The following ABCB1 variants were observed in gnomAD, a reference collection of about 807,000 sequenced individuals.
ABCB1 encodes ATP-dependent translocase ABCB1.
In ABCB1, 69 loss-of-function variants were observed where a neutral mutation model predicts 142.0. The ratio of observed to expected loss-of-function variants is 0.49; its 90% CI spans 0.40 to 0.59. The LOEUF (loss-of-function observed/expected upper bound fraction) is 0.59, where lower values mean the gene tolerates loss of function less well. Ranked by LOEUF, ABCB1 falls within the 20% of genes least tolerant of loss-of-function variation. ABCB1 has a pLI of 0.00. For synonymous variants in ABCB1, 532 were observed against 539.2 expected (o/e 0.99, Z 0.18); for missense variants, 1,326 against 1,554.7 (o/e 0.85, Z 2.47).
Position 87,516,536 on chromosome 7 carries a change from G to T in ABCB1, c.3057C>A (p.Asp1019Glu), listed in dbSNP as rs1327938429. The change falls in exon 24 of 28, where the codon GAC becomes GAA. Residue 1019 changes from aspartate to glutamate, a missense_variant. Asp to Glu is a conservative substitution (Grantham distance 45, BLOSUM62 2). Coordinates refer to ENST00000622132, the MANE Select transcript of ABCB1 (RefSeq NM_001348946.2). The stretch of plus-strand genomic sequence containing the variant: ...GCATTAGGCCTTCCGTGCTGTAGCT[G>T]TCAATCAAAGGGGTTTTTTCAATGA... ...IMIIEKTPLI[D>E]SYSTEGLMPN... is the part of the protein sequence containing the mutation. The T allele has an allele frequency of 1.9e-6, 3 of 1,614,068 alleles. No homozygotes were observed. Among genetic ancestry groups the T allele is most frequent in the Non-Finnish European group, 2.5e-6 (3 of 1,180,050 alleles).
chr7:87,559,472 A>C lies in ABCB1; in HGVS notation c.827+1791T>G, dbSNP rs1452284886. ...GATTAAACATATAAAATAGTTATTTATAAGTCTTTTTAAAGAATTAGTTTA... is the reference window on the plus strand; with the variant it reads ...GATTAAACATATAAAATAGTTATTTCTAAGTCTTTTTAAAGAATTAGTTTA... On this transcript the variant is annotated intron_variant, in intron 8 of 27. Coordinates refer to ENST00000622132, the MANE Select transcript of ABCB1 (RefSeq NM_001348946.2). Among the ~76,000 whole-genome samples the C allele has an allele frequency of 2.6e-5, 4 of 152,036 alleles. No homozygotes were observed. In the East Asian group the frequency reaches 7.7e-4, roughly 29 times the overall value.
rs913602139 is a variant in ABCB1 at position 87,561,811 on chromosome 7, C to T, written c.703-424G>A. 3.3e-5 allele frequency among the ~76,000 whole-genome samples: 5 copies of T among 152,230 alleles called. No individual in the cohort carries two copies. The Middle Eastern group carries it at 0.014, about 414-fold the overall frequency. On this transcript the variant is annotated intron_variant, in intron 7 of 27. Transcript: ENST00000622132. The stretch of plus-strand genomic sequence containing the variant: ...GACCAGCCTGGGCAGCATGGCAAGA[C>T]CCCGCCTCTACAAAAAAATTAAAAA...
chr7:87,666,845 A>G (rs1197509544), intron 1 of ABCB1, among the ~76,000 whole-genome samples: 1 of 152,018 alleles, frequency 6.6e-6, no homozygotes, highest in Non-Finnish European at 1.5e-5. Flanking sequence ...CCATTGGTCT[A>G]TGTGCCTGTT....
chr7:87,585,688 G>A lies in ABCB1; in HGVS notation c.118-8C>T, dbSNP rs34455904. On this transcript the variant is annotated splice_region_variant and splice_polypyrimidine_tract_variant and intron_variant, in intron 3 of 27. Transcript: ENST00000622132. Reference sequence around the variant, plus strand: ...CCAATTTGAATAGCGAAACTAAAAAGAGAGAAAAAAGAATAGCAGAGGAAA... The same window carrying A: ...CCAATTTGAATAGCGAAACTAAAAAAAGAGAAAAAAGAATAGCAGAGGAAA... 6.2e-7 allele frequency: 1 copy of A among 1,612,894 alleles called. No individual in the cohort carries two copies. The highest frequency in any genetic ancestry group is 1.1e-5 in the South Asian group (1 of 91,036).
intron 1 of ABCB1, among the ~76,000 whole-genome samples, chr7:87,649,904 G>T (rs990692599): frequency 2.6e-5 from 4 of 152,166 alleles, no homozygotes; most frequent in African/African-American, 9.7e-5. Context: ...GTGCTGCCAT[G>T]TAAGACAACC....
In ABCB1 at chr7:87,697,471, T is replaced by A. The variant is rs921647790; in HGVS notation, c.-331+15690A>T. ...GAAAATGAGTTGAAGTTAGAAACATTTGAGGAAGTAACTTTAGAATGGTTG... is the reference window on the plus strand; with the variant it reads ...GAAAATGAGTTGAAGTTAGAAACATATGAGGAAGTAACTTTAGAATGGTTG... On this transcript the variant is annotated intron_variant, in intron 1 of 28. Transcript: ENST00000265724. Among the ~76,000 whole-genome samples the A allele has an allele frequency of 2.0e-5, 3 of 152,268 alleles. No individual in the cohort carries two copies. In the South Asian group the frequency reaches 6.2e-4, roughly 32 times the overall value.
chr7:87,709,064 A>G (rs981457483), intron 1 of ABCB1, among the ~76,000 whole-genome samples: 1 of 152,180 alleles, frequency 6.6e-6, no homozygotes, highest in African/African-American at 2.4e-5. Context: ...TGTTCTATTA[A>G]AAGTTCCTTT....
intron 4 of ABCB1, among the ~76,000 whole-genome samples, chr7:87,573,730 G>T (rs1818152087): frequency 6.6e-6 from 1 of 152,120 alleles, no homozygotes; most frequent in Non-Finnish European, 1.5e-5. Context: ...AAGAAAATAT[G>T]TTTAAAGTAC....
intron 7 of ABCB1, chr7:87,565,355 A>G (rs1817744298): frequency 5.3e-6 from 2 of 377,082 alleles, no homozygotes; most frequent in Admixed American, 3.3e-5. Context: ...CACTCATATC[A>G]AATCAGTTTA....
At chr7:87,708,472 T>C (rs1829797750) in intron 1 of ABCB1, among the ~76,000 whole-genome samples, 3 of 152,176 alleles carry the variant, frequency 2.0e-5, no homozygotes, top group African/African-American at 2.4e-5. Context: ...GGATATGTGA[T>C]ATTTTTGCTA....
In ABCB1 at chr7:87,550,216, T is replaced by C. The variant is rs1584871479; in HGVS notation, c.1305A>G (p.Thr435=). The C allele has an allele frequency of 6.2e-7, 1 of 1,614,092 alleles. No individual in the cohort carries two copies. The highest frequency in any genetic ancestry group is 1.1e-5 in the South Asian group (1 of 91,084). Residue 435 remains threonine, a synonymous_variant, in exon 12 of 28, where the codon ACA becomes ACG. Transcript: ENST00000622132. Reference sequence around the variant, plus strand: ...AGAGCCTCTGCATCAGCTGGACTGTTGTGCTCTTCCCACAGCCACTGTTTC... The same window carrying C: ...AGAGCCTCTGCATCAGCTGGACTGTCGTGCTCTTCCCACAGCCACTGTTTC... The part of the protein sequence containing the change: ...LVGNSGCGKS[T]TVQLMQRLYD...
At chr7:87,692,776 T>C (rs181667893) in intron 1 of ABCB1, among the ~76,000 whole-genome samples, 1 of 152,366 alleles carries the variant, frequency 6.6e-6, no homozygotes, top group East Asian at 1.9e-4. Context: ...CATTCAATGT[T>C]GAGAAATTTC....
intron 4 of ABCB1, among the ~76,000 whole-genome samples, chr7:87,570,469 G>A (rs1245344860): frequency 6.6e-6 from 1 of 152,138 alleles, no homozygotes; most frequent in East Asian, 1.9e-4. Flanking sequence ...TTTGGTAAGA[G>A]GTAGTCTGTC....
At chr7:87,660,178 GGTCTATT>G (rs1429373471) in intron 1 of ABCB1, among the ~76,000 whole-genome samples, 129 of 152,042 alleles carry the variant, frequency 8.5e-4, no homozygotes, top group African/African-American at 2.9e-3. Context: ...TTGGAATCAT[GGTCTATT>G]AGGTAGCAGT....
intron 4 of ABCB1, among the ~76,000 whole-genome samples, chr7:87,581,000 T>C (rs1463171754): frequency 6.6e-6 from 1 of 152,044 alleles, no homozygotes; most frequent in East Asian, 1.9e-4. Flanking sequence ...ATGAAGGTGC[T>C]TTGTTTTGTG....
intron 1 of ABCB1, among the ~76,000 whole-genome samples, chr7:87,623,926 C>G (rs1188625250): frequency 6.6e-6 from 1 of 152,100 alleles, no homozygotes; most frequent in Non-Finnish European, 1.5e-5. Flanking sequence ...CCTTTCATAA[C>G]TTTTTAAGAT....
intron 8 of ABCB1, among the ~76,000 whole-genome samples, chr7:87,555,631 T>C (rs1193837394): frequency 6.6e-6 from 1 of 152,170 alleles, no homozygotes; most frequent in South Asian, 2.1e-4. Flanking sequence ...ACATCATTAG[T>C]TTCTACCCCC....
In ABCB1 at chr7:87,504,180, T is replaced by C; in HGVS notation, c.*63A>G. The stretch of plus-strand genomic sequence containing the variant: ...AATTCTGTAAGTGTTTGCTTTTAAC[T>C]TTGAATAAATGTCATATCTAAACAA... On this transcript the variant is annotated 3_prime_UTR_variant, in exon 28 of 28. Transcript: ENST00000622132. 1 of 1,601,162 alleles carries C rather than the reference T, an allele frequency of 6.2e-7. No individual in the cohort carries two copies. Among genetic ancestry groups the C allele is most frequent in the Non-Finnish European group, 8.5e-7 (1 of 1,170,824 alleles).
chr7:87,711,208 C>G (rs562195893), intron 1 of ABCB1, among the ~76,000 whole-genome samples: 148 of 152,054 alleles, frequency 9.7e-4, no homozygotes, highest in Middle Eastern at 3.4e-3. Flanking sequence ...TGCCTGTAAT[C>G]CCAGCTACTC....
Sources: gnomAD v4.1 joint callset for allele counts (sites outside exome capture counted in the v4.1 genomes callset) on GRCh38, gnomAD v4.1.1 for gene constraint, MANE v1.5 for transcripts, NCBI Gene and HGNC (gene_info 2026-07-23, HGNC 2026-07-21) for gene names.